Variants in ZCCHC7 observed in about 807,000 individuals in gnomAD.
ZCCHC7 encodes zinc finger CCHC domain-containing protein 7.
In ZCCHC7, 35 loss-of-function variants were observed where a neutral mutation model predicts 52.0. The ratio of observed to expected loss-of-function variants is 0.67; its 90% confidence interval spans 0.51 to 0.89. ZCCHC7 has a LOEUF of 0.89. Among genes scored for constraint, ZCCHC7 ranks in the 40% least tolerant of loss-of-function variants. The pLI, the probability that ZCCHC7 is intolerant of heterozygous loss-of-function variation, is 0.00. For synonymous variants in ZCCHC7, 217 were observed against 221.5 expected (o/e 0.98, Z 0.18); for missense variants, 574 against 649.1 (o/e 0.88, Z 1.26).
At chr9:37,211,476 TTC>T (rs1449587915) in intron 2 of ZCCHC7, among the ~76,000 whole-genome samples, 2 of 152,186 alleles carry the variant, frequency 1.3e-5, no homozygotes, top group African/African-American at 4.8e-5. Flanking sequence ...AAATACTGAG[TTC>T]TCTCACAGTG....
chr9:37,299,790 CTTG>C (rs1310868421), intron 2 of ZCCHC7, among the ~76,000 whole-genome samples: 1 of 152,150 alleles, frequency 6.6e-6, no homozygotes, highest in Non-Finnish European at 1.5e-5. Flanking sequence ...AGTTTGTATA[CTTG>C]TTGATGAATT....
chr9:37,183,875 A>T (rs1822501304), intron 2 of ZCCHC7, among the ~76,000 whole-genome samples: 8 of 152,236 alleles, frequency 5.3e-5, no homozygotes, highest in Admixed American at 5.2e-4. Flanking sequence ...CTACACGCTG[A>T]ACAACAATGC....
intron 2 of ZCCHC7, among the ~76,000 whole-genome samples, chr9:37,289,940 C>CT (rs1308311810): frequency 2.0e-5 from 3 of 152,218 alleles, no homozygotes; most frequent in African/African-American, 7.2e-5. Flanking sequence ...CTTCCATCTC[C>CT]TTTAAGTTGT....
intron 2 of ZCCHC7, among the ~76,000 whole-genome samples, chr9:37,233,785 A>T (rs1825513999): frequency 6.6e-6 from 1 of 152,222 alleles, no homozygotes; most frequent in Non-Finnish European, 1.5e-5. Context: ...GGGTTTTAGA[A>T]ACCCAAACCA....
At chr9:37,123,222 T>TGTGTGC (rs1017752285) in intron 1 of ZCCHC7, among the ~76,000 whole-genome samples, 2 of 103,764 alleles carry the variant, frequency 1.9e-5, no homozygotes, top group African/African-American at 6.1e-5. Flanking sequence ...TGTGTGTGTG[T>TGTGTGC]GTGCGTGTGC....
In ZCCHC7 at chr9:37,133,084, A is replaced by G. The variant is rs1308454429; in HGVS notation, c.610+6142A>G. 6.6e-5 allele frequency among the ~76,000 whole-genome samples: 10 copies of G among 152,306 alleles called. No homozygotes were observed. The East Asian group carries it at 1.5e-3, about 24-fold the overall frequency. On this transcript the variant is annotated intron_variant, in intron 2 of 8. Transcript: ENST00000336755. ...GGGAGACGGAGGTTGCAGTGAGCCG[A>G]GATCGTGCCACTGCATTCTAGCCTG... is the stretch of plus-strand genomic sequence containing the variant.
At chr9:37,179,065 G>A (rs544364501) in intron 2 of ZCCHC7, among the ~76,000 whole-genome samples, 4 of 152,140 alleles carry the variant, frequency 2.6e-5, no homozygotes, top group South Asian at 2.1e-4. Context: ...CATCTTTTCC[G>A]TAGTATCTTG....
intron 2 of ZCCHC7, among the ~76,000 whole-genome samples, chr9:37,201,359 C>T (rs1039113896): frequency 7.7e-4 from 117 of 152,326 alleles, no homozygotes; most frequent in African/African-American, 2.4e-3. Flanking sequence ...TCCACCTTCT[C>T]ATTCTTTTCT....
At chr9:37,263,827 C>G (rs1240404973) in intron 2 of ZCCHC7, among the ~76,000 whole-genome samples, 1 of 152,134 alleles carries the variant, frequency 6.6e-6, no homozygotes, top group Non-Finnish European at 1.5e-5. Flanking sequence ...TTTTAAAACC[C>G]TAATCAATAC....
intron 6 of ZCCHC7, among the ~76,000 whole-genome samples, chr9:37,329,233 T>C (rs1425331317): frequency 6.6e-6 from 1 of 151,818 alleles, no homozygotes; most frequent in Non-Finnish European, 1.5e-5. Flanking sequence ...GGAAGTATGA[T>C]TTTAAAGCTG....
intron 6 of ZCCHC7, among the ~76,000 whole-genome samples, chr9:37,332,526 G>T (rs575612507): frequency 6.6e-6 from 1 of 151,214 alleles, no homozygotes; most frequent in Non-Finnish European, 1.5e-5. Context: ...AGAATTTGCT[G>T]TTAAAATTAT....
chr9:37,351,404 C>G (rs1821370906), intron 7 of ZCCHC7, among the ~76,000 whole-genome samples: 1 of 152,110 alleles, frequency 6.6e-6, no homozygotes, highest in South Asian at 2.1e-4. Flanking sequence ...CTCCCAGGCT[C>G]AAGTGATCCT....
At chr9:37,323,324 C>T (rs1168332503) in intron 5 of ZCCHC7, among the ~76,000 whole-genome samples, 2 of 152,138 alleles carry the variant, frequency 1.3e-5, no homozygotes, top group Non-Finnish European at 2.9e-5. Context: ...GCCTTCATAA[C>T]TGTACTTAAG....
intron 6 of ZCCHC7, among the ~76,000 whole-genome samples, chr9:37,343,652 A>G (rs1390185219): frequency 6.6e-6 from 1 of 152,182 alleles, no homozygotes; most frequent in African/African-American, 2.4e-5. Flanking sequence ...AGTAGCAGAG[A>G]TTTTCAGTGT....
chr9:37,278,165 T>C (rs1827782875), intron 2 of ZCCHC7, among the ~76,000 whole-genome samples: 1 of 151,950 alleles, frequency 6.6e-6, no homozygotes, highest in Non-Finnish European at 1.5e-5. Flanking sequence ...ACTCTGGTGG[T>C]CCTTTCACTT....
At chr9:37,303,879 T>G (rs1021874511) in intron 3 of ZCCHC7, among the ~76,000 whole-genome samples, 2 of 151,758 alleles carry the variant, frequency 1.3e-5, no homozygotes, top group African/African-American at 2.4e-5. Context: ...GTCAGGCTGG[T>G]TTTGAACTCC....
At chr9:37,257,778 G>A (rs1011116769) in intron 2 of ZCCHC7, among the ~76,000 whole-genome samples, 4 of 152,030 alleles carry the variant, frequency 2.6e-5, no homozygotes, top group Admixed American at 6.6e-5. Flanking sequence ...TGTGTGACTC[G>A]CCTGCTCGCC....
chr9:37,138,643 C>CTTAGTT (rs1393311167), intron 2 of ZCCHC7, among the ~76,000 whole-genome samples: 1 of 150,946 alleles, frequency 6.6e-6, no homozygotes, highest in African/African-American at 2.4e-5. Context: ...ATTTATTGAA[C>CTTAGTT]TAATGACTTA....
chr9:37,259,675 C>T (rs1388177220), intron 2 of ZCCHC7, among the ~76,000 whole-genome samples: 1 of 152,070 alleles, frequency 6.6e-6, no homozygotes, highest in Non-Finnish European at 1.5e-5. Context: ...CAAATCAGTT[C>T]TGTGTATAGA....
Sources: gnomAD v4.1 joint callset for allele counts (sites outside exome capture counted in the v4.1 genomes callset) on GRCh38, gnomAD v4.1.1 for gene constraint, MANE v1.5 for transcripts, NCBI Gene and HGNC (gene_info 2026-07-23, HGNC 2026-07-21) for gene names.